The following ITFG1 variants were observed in gnomAD, a reference collection of about 807,000 sequenced individuals.
ITFG1 encodes T-cell immunomodulatory protein.
ITFG1 carries 34 observed loss-of-function variants against 81.8 expected under a neutral mutation model. The observed-to-expected ratio is 0.42, with a 90% CI of 0.32 to 0.55. The LOEUF is 0.55. ITFG1 is among the 20% of genes least tolerant of loss of function. ITFG1 has a pLI of 0.17. For missense variants in ITFG1, 672 were observed against 755.4 expected (o/e 0.89, Z 1.29); for synonymous variants, 285 against 270.6 (o/e 1.05, Z -0.52).
At chr16:47,215,632 T>C (rs561274580) in intron 14 of ITFG1, among the ~76,000 whole-genome samples, 1 of 152,192 alleles carries the variant, frequency 6.6e-6, no homozygotes, top group East Asian at 1.9e-4. Flanking sequence ...TTATGCGTCA[T>C]TTTGTTTATA....
chr16:47,362,144 C>A (rs951925808), intron 8 of ITFG1, among the ~76,000 whole-genome samples: 1 of 152,154 alleles, frequency 6.6e-6, no homozygotes, highest in Non-Finnish European at 1.5e-5. Context: ...AGTGTCAAAC[C>A]AATCAGCAAA....
At chr16:47,440,488 C>T (rs1017079748) in intron 5 of ITFG1, among the ~76,000 whole-genome samples, 5 of 152,208 alleles carry the variant, frequency 3.3e-5, no homozygotes, top group South Asian at 4.1e-4. Flanking sequence ...CAAACTGTCT[C>T]TCAGACCACA....
rs936599046 is a variant in ITFG1, at chr16:47,396,158, A to G, written c.656-20218T>C. The G allele has an allele frequency of 6.1e-6, 6 of 985,158 alleles. No homozygotes were observed. The African/African-American group carries it at 1.0e-4, about 17-fold the overall frequency. 61.0% of individuals were successfully genotyped at this position (985,158 alleles called of 1,614,324 possible). A position where few individuals can be genotyped will look rare whatever the true frequency, so the allele number is the denominator to read the frequency against. ...TGGTGGGTGGTCAGGAGAAGGAGAG[A>G]TAAGTCTACATTTGCCTCTGAAGAA... On this transcript the variant is annotated intron_variant, in intron 6 of 17. Coordinates refer to ENST00000320640, the MANE Select transcript of ITFG1 (RefSeq NM_030790.5).
At chr16:47,253,528 G>A (rs1298967541) in intron 12 of ITFG1, among the ~76,000 whole-genome samples, 1 of 152,202 alleles carries the variant, frequency 6.6e-6, no homozygotes, top group Non-Finnish European at 1.5e-5. Flanking sequence ...AGTTAGGGCA[G>A]TGGTCCCCAA....
rs777656067 is a variant in ITFG1, at chr16:47,155,742, G to T, written c.1816C>A (p.Arg606=). Residue 606 remains arginine, a synonymous_variant, in exon 18 of 18, where the codon CGG becomes AGG. Coordinates refer to ENST00000320640, the MANE Select transcript of ITFG1 (RefSeq NM_030790.5). ...AGTCACATAGCATCAAAATGAAACC[G>T]GTGGGCTTCTTGTCGTTTTTCTCTA... ...DDREKRQEAH[R]FHFDAM The T allele has an allele frequency of 1.2e-6, 2 of 1,605,866 alleles. No homozygotes were observed. Among genetic ancestry groups the T allele is most frequent in the Admixed American group, 3.4e-5 (2 of 58,926 alleles).
chr16:47,425,589 C>CTTT (rs552533924), intron 6 of ITFG1, among the ~76,000 whole-genome samples: 1 of 135,226 alleles, frequency 7.4e-6, no homozygotes, highest in Non-Finnish European at 1.6e-5. Context: ...AGTGACGCTC[C>CTTT]TTTTTTTTTT....
At chr16:47,174,885 C>T (rs1224647218) in intron 14 of ITFG1, among the ~76,000 whole-genome samples, 3 of 152,172 alleles carry the variant, frequency 2.0e-5, no homozygotes, top group African/African-American at 7.2e-5. Context: ...TCTACTGGCA[C>T]TGCCCTGAGT....
chr16:47,284,374 C>A (rs1435147328), intron 10 of ITFG1, among the ~76,000 whole-genome samples: 1 of 152,074 alleles, frequency 6.6e-6, no homozygotes, highest in Non-Finnish European at 1.5e-5. Flanking sequence ...AGAATATATG[C>A]AACTTATTTA....
intron 8 of ITFG1, among the ~76,000 whole-genome samples, chr16:47,314,548 T>A (rs1189861269): frequency 6.6e-6 from 1 of 152,192 alleles, no homozygotes; most frequent in Admixed American, 6.5e-5. Context: ...AGCACAGTAT[T>A]CTGCTAAGGC....
chr16:47,258,272 G>T (rs2151541409), intron 12 of ITFG1, among the ~76,000 whole-genome samples: 1 of 152,320 alleles, frequency 6.6e-6, no homozygotes, highest in East Asian at 1.9e-4. Context: ...CATGACCTAA[G>T]TTGGGTAATG....
intron 2 of ITFG1, among the ~76,000 whole-genome samples, chr16:47,455,777 C>CA (rs1325999369): frequency 0.094 from 4,251 of 45,048 alleles, 202 homozygotes; most frequent in African/African-American, 0.17. Context: ...CATCCCCCAC[C>CA]AAAAAAAAAA....
intron 14 of ITFG1, among the ~76,000 whole-genome samples, chr16:47,188,411 C>T (rs1483712066): frequency 1.3e-5 from 2 of 150,842 alleles, no homozygotes; most frequent in African/African-American, 4.8e-5. Context: ...GGCACATATA[C>T]ACCATGGAAT....
At chr16:47,273,689 T>G (rs768655052) in intron 10 of ITFG1, among the ~76,000 whole-genome samples, 1 of 152,220 alleles carries the variant, frequency 6.6e-6, no homozygotes, top group Non-Finnish European at 1.5e-5. Flanking sequence ...TAATGGAATA[T>G]AACACTGTGA....
At chr16:47,163,459 T>C (rs769589585) in intron 14 of ITFG1, among the ~76,000 whole-genome samples, 4 of 152,240 alleles carry the variant, frequency 2.6e-5, no homozygotes, top group Non-Finnish European at 4.4e-5. Context: ...TATGGTAGCA[T>C]GTTTCCATAC....
chr16:47,389,167 C>CA (rs1968499923), intron 6 of ITFG1, among the ~76,000 whole-genome samples: 1 of 152,062 alleles, frequency 6.6e-6, no homozygotes, highest in African/African-American at 2.4e-5. Context: ...TGTCCCGCAA[C>CA]AACCTTATAA....
chr16:47,328,581 AG>A (rs1222350184), intron 8 of ITFG1, among the ~76,000 whole-genome samples: 8 of 152,152 alleles, frequency 5.3e-5, no homozygotes, highest in Non-Finnish European at 1.0e-4. Context: ...TTAAAACAGA[AG>A]AAAAATACTT....
At chr16:47,157,140 AATGCTGGTTTTGAGGTG>A in intron 17 of ITFG1, among the ~76,000 whole-genome samples, 1 of 152,114 alleles carries the variant, frequency 6.6e-6, no homozygotes, top group South Asian at 2.1e-4. Flanking sequence ...GAAGCTTTAG[AATGCTGGTTTTGAGGTG>A]CTGTAAGTCA....
At chr16:47,353,060 G>C (rs1035557239) in intron 8 of ITFG1, among the ~76,000 whole-genome samples, 2 of 151,912 alleles carry the variant, frequency 1.3e-5, no homozygotes, top group African/African-American at 4.8e-5. Context: ...GGCCTGTTGT[G>C]GGGTAGGGTG....
intron 2 of ITFG1, among the ~76,000 whole-genome samples, chr16:47,457,766 T>G (rs1969472753): frequency 6.6e-6 from 1 of 152,188 alleles, no homozygotes; most frequent in Admixed American, 6.5e-5. Context: ...CATTTACATC[T>G]TTTAAATTTC....
Sources: allele counts gnomAD v4.1 joint callset (sites outside exome capture counted in the v4.1 genomes callset), GRCh38; gene constraint gnomAD v4.1.1; transcripts MANE v1.5; gene names NCBI Gene and HGNC (gene_info 2026-07-23, HGNC 2026-07-21).